The following SLC25A24 variants were observed in gnomAD, a reference collection of about 807,000 sequenced individuals.
SLC25A24 encodes the protein mitochondrial adenyl nucleotide antiporter SLC25A24.
Under a neutral mutation model 60.7 loss-of-function variants are expected in SLC25A24, and 49 were observed. The ratio of observed to expected loss-of-function variants is 0.81; its 90% CI spans 0.64 to 1.02. The LOEUF (loss-of-function observed/expected upper bound fraction) is 1.02. Among genes scored for constraint, SLC25A24 ranks in the 50% least tolerant of loss-of-function variants. The pLI, the probability that SLC25A24 is intolerant of heterozygous loss-of-function variation, is 0.00. For synonymous variants in SLC25A24, 202 were observed against 200.6 expected, an observed-to-expected ratio of 1.01 and a Z score of -0.06; for missense variants, 564 against 586.3, an observed-to-expected ratio of 0.96 and a Z score of 0.39.
At chr1:108,175,718 A>G (rs1203366954) in intron 3 of SLC25A24, among the ~76,000 whole-genome samples, 1 of 152,150 alleles carries the variant, frequency 6.6e-6, no homozygotes, top group Non-Finnish European at 1.5e-5. Context: ...AAAAAATGAA[A>G]AGACAGACAG....
intron 3 of SLC25A24, among the ~76,000 whole-genome samples, chr1:108,180,651 T>C (rs970844502): frequency 1.8e-5 from 2 of 111,526 alleles, no homozygotes; most frequent in East Asian, 3.1e-4. Context: ...TCTCTCTCTC[T>C]CTCTCTCTCT....
intron 1 of SLC25A24, among the ~76,000 whole-genome samples, chr1:108,189,473 T>C (rs1366012299): frequency 6.6e-6 from 1 of 152,230 alleles, no homozygotes; most frequent in Non-Finnish European, 1.5e-5. Flanking sequence ...TAGATGCTAC[T>C]TGCCTGTTAG....
Position 108,194,016 on chromosome 1 carries a change from T to C in SLC25A24, c.183+5940A>G, listed in dbSNP as rs182523034. On this transcript the variant is annotated intron_variant, in intron 1 of 9. Transcript: ENST00000565488. ...CAATAAAAACTCTCCACTTTTTATG[T>C]AATTTATTTTCCTAAATATGGAGAT... Among the ~76,000 whole-genome samples, 2 of 139,764 alleles carry C rather than the reference T, an allele frequency of 1.4e-5. 1 individual carries two copies. Among genetic ancestry groups the C allele is most frequent in the East Asian group, 5.2e-4 (2 of 3,826 alleles). 91.7% of individuals were successfully genotyped at this position (139,764 alleles called of 152,430 possible). A position where few individuals can be genotyped will look rare whatever the true frequency, so the allele number is the denominator to read the frequency against.
At position 108,143,626 on chromosome 1, in the gene SLC25A24, C is replaced by T. The variant is rs1207270544; in HGVS notation, c.1015G>A (p.Gly339Ser). 2 of 1,613,662 alleles carry T rather than the reference C, an allele frequency of 1.2e-6. No homozygotes were observed. The highest frequency in any genetic ancestry group is 1.3e-5 in the African/African-American group (1 of 74,896). The change falls in exon 8 of 10, where the codon GGC (glycine) becomes AGC (serine). Residue 339 changes from glycine (G) to serine (S), a missense_variant. Transcript: ENST00000565488. Reference protein sequence around the residue: ...DCAKKILKHEGLGAFYKGYVP... With the variant: ...DCAKKILKHESLGAFYKGYVP... ...TAGCCTTTGTAAAAAGCTCCCAAGC[C>T]TTCATGTTTCAAAATCTTCTTGGCA...
chr1:108,156,352 C>T (rs1178976999), intron 5 of SLC25A24, among the ~76,000 whole-genome samples: 1 of 152,222 alleles, frequency 6.6e-6, no homozygotes, highest in African/African-American at 2.4e-5. Context: ...CCAGAGAAAT[C>T]CATTTTATTT....
intron 1 of SLC25A24, chr1:108,192,481 C>G: frequency 6.8e-7 from 1 of 1,465,774 alleles, no homozygotes; most frequent in Non-Finnish European, 9.2e-7. Context: ...TGATTACAGC[C>G]CCAGTGAGAC....
intron 1 of SLC25A24, 50 bp downstream of exon 1, chr1:108,199,906 A>T (rs1648606260): frequency 6.8e-7 from 1 of 1,464,116 alleles, no homozygotes; most frequent in Non-Finnish European, 9.4e-7. Flanking sequence ...CAGTGTCCCC[A>T]GCGCCCGCAG....
At chr1:108,144,776 C>A (rs752375708) in intron 7 of SLC25A24, among the ~76,000 whole-genome samples, 1 of 152,160 alleles carries the variant, frequency 6.6e-6, no homozygotes, top group African/African-American at 2.4e-5. Context: ...TTGTTTATGG[C>A]TGCATAGTAT....
chr1:108,140,358 A>G (rs563879862), intron 8 of SLC25A24, among the ~76,000 whole-genome samples: 3 of 152,284 alleles, frequency 2.0e-5, no homozygotes, highest in Admixed American at 1.3e-4. Context: ...AAAAGCTGAT[A>G]CAGCTTATCA....
At position 108,200,295 on chromosome 1, in the gene SLC25A24, GGGCGC is replaced by G; in HGVS notation, c.-162_-158del. The G allele has an allele frequency of 8.8e-6, 5 of 568,570 alleles. No individual in the cohort carries two copies. Among genetic ancestry groups the G allele is most frequent in the Non-Finnish European group, 1.3e-5 (5 of 385,950 alleles). The allele number at this position is 568,570 out of a possible 1,614,324, so 35.2% of individuals were successfully genotyped here. A position where few individuals can be genotyped will look rare whatever the true frequency, so the allele number is the denominator to read the frequency against. ...TTGCGGCTGCGGCGCGCAGGGCGCA[GGGCGC>G]AGGAGCGGAGACCCCACCCGAGCCC... On this transcript the variant is annotated 5_prime_UTR_variant, in exon 1 of 10. Coordinates refer to ENST00000565488, the MANE Select transcript of SLC25A24 (RefSeq NM_013386.5).
chr1:108,175,797 T>C (rs921608213), intron 3 of SLC25A24, among the ~76,000 whole-genome samples: 1 of 152,136 alleles, frequency 6.6e-6, no homozygotes. Context: ...TATAAAATGG[T>C]GCAGCCACTT....
chr1:108,180,658 C>CTCTCTCTCTCTCTG (rs1647893961), intron 3 of SLC25A24, among the ~76,000 whole-genome samples: 1 of 104,942 alleles, frequency 9.5e-6, no homozygotes, highest in African/African-American at 3.5e-5. Flanking sequence ...CTCTCTCTCT[C>CTCTCTCTCTCTCTG]TCTCTCTCTG....
Position 108,148,611 on chromosome 1 carries a change from A to T in SLC25A24, c.823-225T>A, listed in dbSNP as rs368856786. 6.6e-5 allele frequency among the ~76,000 whole-genome samples: 10 copies of T among 152,116 alleles called. 1 individual carries two copies. The highest frequency in any genetic ancestry group is 5.8e-4 in the East Asian group (3 of 5,192). On this transcript the variant is annotated intron_variant, in intron 6 of 9. Transcript: ENST00000565488. ...GAGCCCACTCTCTCTCTCCCCCTTC[A>T]CATGTGCACCAAGAAAAGACCATGT...
At position 108,200,043 on chromosome 1, in the gene SLC25A24, G is replaced by A; in HGVS notation, c.96C>T (p.Asp32=). 6.2e-7 allele frequency: 1 copy of A among 1,608,214 alleles called. No homozygotes were observed. The highest frequency in any genetic ancestry group is 8.5e-7 in the Non-Finnish European group (1 of 1,177,806). The change falls in exon 1 of 10, where the codon GAC becomes GAT. Residue 32 remains aspartate (D), a synonymous_variant. Coordinates refer to ENST00000565488, the MANE Select transcript of SLC25A24 (RefSeq NM_013386.5). ...TRYETLFQAL[D]RNGDGVVDIG... ...TGTCCACCACTCCGTCCCCATTGCG[G>A]TCCAGTGCCTGGAAGAGGGTCTCGT...
chr1:108,154,976 C>T lies in SLC25A24; in HGVS notation c.822+7G>A, dbSNP rs1173967568. The stretch of plus-strand genomic sequence containing the variant: ...TGTTAATAAATTCCACGGGTGATAA[C>T]AATTACCTGTTCATATGCCCAGAAT... On this transcript the variant is annotated splice_region_variant and intron_variant, in intron 6 of 9. Transcript: ENST00000565488. 1 of 1,602,520 alleles carries T rather than the reference C, an allele frequency of 6.2e-7. No individual in the cohort carries two copies. The highest frequency in any genetic ancestry group is 1.7e-5 in the Admixed American group (1 of 58,172).
intron 3 of SLC25A24, among the ~76,000 whole-genome samples, chr1:108,170,015 T>A (rs963370317): frequency 6.6e-6 from 1 of 152,178 alleles, no homozygotes; most frequent in Admixed American, 6.5e-5. Flanking sequence ...CTTTGCTATA[T>A]ATTCTTTATT....
chr1:108,189,709 C>T (rs1463181185), intron 1 of SLC25A24, among the ~76,000 whole-genome samples: 5 of 150,718 alleles, frequency 3.3e-5, no homozygotes, highest in African/African-American at 9.8e-5. Flanking sequence ...CCAGCTACTC[C>T]GGAGGTTGAG....
rs1679856843 is a variant in SLC25A24 at position 108,155,039 on chromosome 1, T to C, written c.766A>G (p.Thr256Ala). 6.2e-7 allele frequency: 1 copy of C among 1,613,302 alleles called. No homozygotes were observed. The highest frequency in any genetic ancestry group is 8.5e-7 in the Non-Finnish European group (1 of 1,179,584). The change falls in exon 6 of 10, where the codon ACA becomes GCA. Residue 256 changes from threonine to alanine, a missense_variant. Transcript: ENST00000565488. ...TCAGGAGCAATTTTGATGACGTTTG[T>C]ACCATTTCCCCTCCAAAGCGAGCGG... Reference protein sequence around the residue: ...GIRSLWRGNGTNVIKIAPETA... With the variant: ...GIRSLWRGNGANVIKIAPETA...
intron 6 of SLC25A24, among the ~76,000 whole-genome samples, chr1:108,152,618 A>T (rs1201989070): frequency 6.6e-6 from 1 of 152,218 alleles, no homozygotes; most frequent in Non-Finnish European, 1.5e-5. Flanking sequence ...AAGTGCTGGG[A>T]TTAGAGGCGT....
Sources: gnomAD v4.1 joint callset for allele counts (sites outside exome capture counted in the v4.1 genomes callset) on GRCh38, gnomAD v4.1.1 for gene constraint, MANE v1.5 for transcripts, NCBI Gene and HGNC (gene_info 2026-07-23, HGNC 2026-07-21) for gene names.